HELQ: variants seen among roughly 807,000 people sequenced by gnomAD.
HELQ encodes the protein helicase POLQ-like.
HELQ carries 77 observed loss-of-function variants against 111.6 expected under a neutral mutation model. The ratio of observed to expected loss-of-function variants is 0.69; its 90% confidence interval spans 0.57 to 0.83. The LOEUF is 0.83. HELQ is among the 40% of genes least tolerant of loss of function. The probability of loss-of-function intolerance (pLI) is 0.00; values close to 1 mark genes in which losing one functional copy is unlikely to be tolerated. For synonymous variants in HELQ, 438 were observed against 454.7 expected, an observed-to-expected ratio of 0.96 and a Z score of 0.47; for missense variants, 1,200 against 1,288.5, an observed-to-expected ratio of 0.93 and a Z score of 1.05.
chr4:83,437,539 C>T (rs1006008200), intron 8 of HELQ, among the ~76,000 whole-genome samples: 5 of 149,006 alleles, frequency 3.4e-5, no homozygotes, highest in South Asian at 2.1e-4. Flanking sequence ...TGCTTGAACC[C>T]GGGAGTTTGA....
intron 9 of HELQ, among the ~76,000 whole-genome samples, chr4:83,436,074 T>A (rs1484819909): frequency 1.3e-5 from 2 of 152,124 alleles, no homozygotes; most frequent in African/African-American, 4.8e-5. Flanking sequence ...AATAAGATAT[T>A]TGAAGTAAAC....
chr4:83,440,756 G>A (rs1720716465), intron 7 of HELQ, among the ~76,000 whole-genome samples: 1 of 152,086 alleles, frequency 6.6e-6, no homozygotes, highest in South Asian at 2.1e-4. Context: ...ACATTTACAG[G>A]AGAGTTTTCC....
chr4:83,424,143 T>C (rs1337810001), intron 14 of HELQ, among the ~76,000 whole-genome samples: 1 of 152,204 alleles, frequency 6.6e-6, no homozygotes, highest in Non-Finnish European at 1.5e-5. Context: ...ATTTGGCAAA[T>C]ATTTGTTGAC....
intron 17 of HELQ, 134 bp downstream of exon 17, chr4:83,416,597 A>G (rs954377732): frequency 1.1e-6 from 1 of 880,002 alleles, no homozygotes. Flanking sequence ...TTACTCACAA[A>G]TAAGAGTATG....
intron 17 of HELQ, 47 bp from the exon 18 acceptor site, chr4:83,407,607 G>T: frequency 8.3e-7 from 1 of 1,210,126 alleles, no homozygotes; most frequent in Non-Finnish European, 1.2e-6. Context: ...CATTGCTAGA[G>T]AATTGCCAAC....
At chr4:83,415,188 G>C (rs765758864) in intron 17 of HELQ, among the ~76,000 whole-genome samples, 2 of 152,194 alleles carry the variant, frequency 1.3e-5, no homozygotes, top group Non-Finnish European at 2.9e-5. Context: ...TACCCACAGG[G>C]AGCAGAAGGC....
intron 2 of HELQ, among the ~76,000 whole-genome samples, chr4:83,449,596 C>T (rs1721239179): frequency 6.6e-6 from 1 of 152,104 alleles, no homozygotes; most frequent in African/African-American, 2.4e-5. Context: ...AGATCAGATC[C>T]AAGATACCGT....
chr4:83,449,162 G>A (rs1445283063), intron 2 of HELQ, among the ~76,000 whole-genome samples: 1 of 152,234 alleles, frequency 6.6e-6, no homozygotes, highest in Non-Finnish European at 1.5e-5. Context: ...GGCCTAGGCA[G>A]CAAGGTGGGC....
chr4:83,445,316 C>T (rs1278808398), intron 5 of HELQ, among the ~76,000 whole-genome samples: 1 of 152,156 alleles, frequency 6.6e-6, no homozygotes, highest in Admixed American at 6.5e-5. Flanking sequence ...GCCTAGCACA[C>T]AGTAGGTGAT....
chr4:83,453,430 A>AT lies in HELQ; in HGVS notation c.812dup (p.Asn271LysfsTer16), dbSNP rs1355119817. 7 of 1,603,190 alleles carry AT rather than the reference A, an allele frequency of 4.4e-6. No homozygotes were observed. In the African/African-American group the frequency reaches 5.4e-5, roughly 12 times the overall value. The stretch of plus-strand genomic sequence containing the variant: ...GGGCCTTCGCATTTCCAGTCATGGC[A>AT]TTTTTTAGATGATCTTTAATACTTT... On this transcript the variant is annotated frameshift_variant, in exon 2 of 18. Coordinates refer to ENST00000295488, the MANE Select transcript of HELQ (RefSeq NM_133636.5). LOFTEE classifies it high-confidence loss of function.
intron 9 of HELQ, among the ~76,000 whole-genome samples, chr4:83,435,332 A>C (rs1041105192): frequency 1.3e-5 from 2 of 152,150 alleles, no homozygotes; most frequent in Admixed American, 1.3e-4. Context: ...AAAGTCTAAA[A>C]GTTTCTGGAA....
At position 83,439,941 on chromosome 4, in the gene HELQ, T is replaced by C; in HGVS notation, c.1730A>G (p.Asn577Ser). The C allele has an allele frequency of 6.2e-7, 1 of 1,610,480 alleles. No individual in the cohort carries two copies. Among genetic ancestry groups the C allele is most frequent in the Non-Finnish European group, 8.5e-7 (1 of 1,177,096 alleles). ...AGGACAAAAAACTAAGCAGGAATAA[T>C]TGGGAATAACTTCTGTCACCAATGC... ...LVALVTEVIP[N>S]YSCLVFCPSK... The change falls in exon 8 of 18, where the codon AAT becomes AGT. Residue 577 changes from asparagine (N) to serine (S), a missense_variant. Around this residue, in one of 3 missense-constraint regions of HELQ, gnomAD observed 585 missense variants for 665.3 expected, o/e 0.88. Transcript: ENST00000295488.
At chr4:83,439,701 CA>C (rs1332463183) in intron 8 of HELQ, among the ~76,000 whole-genome samples, 161 bp downstream of exon 8, 2 of 152,182 alleles carry the variant, frequency 1.3e-5, no homozygotes, top group African/African-American at 4.8e-5. Flanking sequence ...TGTGATTTTT[CA>C]CAGTTAAAAT....
intron 13 of HELQ, 134 bp from the exon 14 acceptor site, chr4:83,426,226 C>T (rs964786140): frequency 1.0e-5 from 6 of 591,024 alleles, no homozygotes; most frequent in Non-Finnish European, 1.8e-5. Context: ...GTAAATGTTG[C>T]AGGTTTTAAA....
intron 9 of HELQ, among the ~76,000 whole-genome samples, chr4:83,434,076 A>G (rs1278459354): frequency 6.6e-6 from 1 of 152,164 alleles, no homozygotes; most frequent in Non-Finnish European, 1.5e-5. Flanking sequence ...AAAAATTCAT[A>G]AAAAATTTGA....
intron 17 of HELQ, among the ~76,000 whole-genome samples, chr4:83,408,380 G>A (rs1738904641): frequency 6.6e-6 from 1 of 152,086 alleles, no homozygotes; most frequent in South Asian, 2.1e-4. Context: ...AGCCTTCTGA[G>A]TAGCTGGGAC....
intron 17 of HELQ, among the ~76,000 whole-genome samples, chr4:83,412,248 A>G (rs2109961042): frequency 6.6e-6 from 1 of 152,308 alleles, no homozygotes; most frequent in South Asian, 2.1e-4. Context: ...TCTTTAGTTC[A>G]CTGGTCTTCA....
chr4:83,445,970 T>C (rs1721023475), intron 5 of HELQ, 44 bp downstream of exon 5: 4 of 1,223,188 alleles, frequency 3.3e-6, no homozygotes, highest in Non-Finnish European at 4.8e-6. Context: ...TATAAGTCTC[T>C]TGATTATAAA....
chr4:83,455,650 G>C lies in HELQ; in HGVS notation c.44C>G (p.Pro15Arg), dbSNP rs763415491. 5 of 1,612,820 alleles carry C rather than the reference G, an allele frequency of 3.1e-6. No homozygotes were observed. The highest frequency in any genetic ancestry group is 2.7e-5 in the African/African-American group (2 of 74,914). Reference sequence around the variant, plus strand: ...CCCCAAGCTTGGACGGTTCCTTTTGGGGAGAGACACCCGCCGGCGGATGCG... The same window carrying C: ...CCCCAAGCTTGGACGGTTCCTTTTGCGGAGAGACACCCGCCGGCGGATGCG... ...GSRIRRRVSL[P>R]KRNRPSLGCI... is the part of the protein sequence containing the mutation. The change falls in exon 1 of 18, where the codon CCC (proline) becomes CGC (arginine). Residue 15 changes from proline (P) to arginine (R), a missense_variant. Transcript: ENST00000295488.
Sources: gnomAD v4.1 joint callset for allele counts (sites outside exome capture counted in the v4.1 genomes callset) on GRCh38, gnomAD v4.1.1 for gene constraint, gnomAD v4.1.1 regional missense constraint, MANE v1.5 for transcripts, NCBI Gene and HGNC (gene_info 2026-07-23, HGNC 2026-07-21) for gene names.